RCVRN: variants seen among roughly 807,000 people sequenced by gnomAD.
The protein encoded by RCVRN is recoverin.
In RCVRN, 23 loss-of-function variants were observed where a neutral mutation model predicts 20.4. The ratio of observed to expected loss-of-function variants is 1.13; its 90% CI spans 0.81 to 1.60. The LOEUF is 1.60. RCVRN is among the 40% of genes most tolerant of loss of function. The pLI, the probability that RCVRN is intolerant of heterozygous loss-of-function variation, is 0.00. For missense variants in RCVRN, 254 were observed against 254.2 expected (o/e 1.00, Z 0.00); for synonymous variants, 105 against 105.9 (o/e 0.99, Z 0.05).
At chr17:9,900,864 A>C in intron 2 of RCVRN, 125 bp downstream of exon 2, 2 of 614,938 alleles carry the variant, frequency 3.3e-6, no homozygotes, top group East Asian at 5.5e-5. Context: ...CTGAAAATGC[A>C]CAATGGAATG....
chr17:9,904,187 G>A lies in RCVRN; in HGVS notation c.381+613C>T, dbSNP rs1272087208. The stretch of plus-strand genomic sequence containing the variant: ...ACTCGGGAGGCAGAGGTTGCAGTGA[G>A]CCAAGATCGCACTATTGCACTCCAG... On this transcript the variant is annotated intron_variant, in intron 1 of 2. Coordinates refer to ENST00000226193, the MANE Select transcript of RCVRN (RefSeq NM_002903.3). The surrounding 1 kb of genome is among the most constrained non-coding windows in gnomAD (Gnocchi z 5.8). Among the ~76,000 whole-genome samples, 1 of 152,182 alleles carries A rather than the reference G, an allele frequency of 6.6e-6. No individual in the cohort carries two copies. Among genetic ancestry groups the A allele is most frequent in the East Asian group, 1.9e-4 (1 of 5,190 alleles).
Position 9,897,873 on chromosome 17 carries a change from T to C in RCVRN, c.*222A>G. On this transcript the variant is annotated 3_prime_UTR_variant, in exon 3 of 3. Coordinates refer to ENST00000226193, the MANE Select transcript of RCVRN (RefSeq NM_002903.3). Reference sequence around the variant, plus strand: ...TGGGACCGGGCATGATGGGAGGGAATGCTGAAGACCCAGGAAGAAGGAACC... The same window carrying C: ...TGGGACCGGGCATGATGGGAGGGAACGCTGAAGACCCAGGAAGAAGGAACC... 3 of 533,452 alleles carry C rather than the reference T, an allele frequency of 5.6e-6. No individual in the cohort carries two copies. In the East Asian group the frequency reaches 9.7e-5, roughly 17 times the overall value. The allele number at this position is 533,452 out of a possible 1,614,324, so 33.0% of individuals were successfully genotyped here. A position where few individuals can be genotyped will look rare whatever the true frequency, so the allele number is the denominator to read the frequency against.
Position 9,904,147 on chromosome 17 carries a change from A to G in RCVRN, c.381+653T>C, listed in dbSNP as rs2067352820. ...TCCCAGCTACTCGGGAGGCTGAGAC[A>G]GGAGAATTGCTTGAACTCGGGAGGC... On this transcript the variant is annotated intron_variant, in intron 1 of 2. Transcript: ENST00000226193. This position sits in a 1 kb window ranked among gnomAD's most constrained non-coding sequence, Gnocchi z 5.8. 6.6e-6 allele frequency among the ~76,000 whole-genome samples: 1 copy of G among 152,204 alleles called. No homozygotes were observed. Among genetic ancestry groups the G allele is most frequent in the African/African-American group, 2.4e-5 (1 of 41,448 alleles).
At position 9,899,687 on chromosome 17, in the gene RCVRN, G is replaced by A. The variant is rs933331414; in HGVS notation, c.493+1302C>T. Among the ~76,000 whole-genome samples, 2 of 152,116 alleles carry A rather than the reference G, an allele frequency of 1.3e-5. No homozygotes were observed. The highest frequency in any genetic ancestry group is 6.5e-5 in the Admixed American group (1 of 15,278). ...AATCCGGGCCGATGAGGGAAAGGTG[G>A]GTAAAGTACCAAGGCGCGAATTTAA... is the stretch of plus-strand genomic sequence containing the variant. On this transcript the variant is annotated intron_variant, in intron 2 of 2. Coordinates refer to ENST00000226193, the MANE Select transcript of RCVRN (RefSeq NM_002903.3). The surrounding 1 kb of genome is among the most constrained non-coding windows in gnomAD (Gnocchi z 4.6).
At chr17:9,901,455 C>T (rs367868641) in intron 1 of RCVRN, among the ~76,000 whole-genome samples, 12 of 109,546 alleles carry the variant, frequency 1.1e-4, no homozygotes, top group African/African-American at 2.6e-4. Flanking sequence ...TTGCGTTCTG[C>T]CTCCCCGGAG....
chr17:9,902,028 C>T (rs1016360893), intron 1 of RCVRN, among the ~76,000 whole-genome samples: 4 of 151,764 alleles, frequency 2.6e-5, no homozygotes, highest in African/African-American at 9.7e-5. Context: ...CTTCCTTTCT[C>T]TCCTCCTTTC....
At chr17:9,902,190 C>T (rs945166597) in intron 1 of RCVRN, among the ~76,000 whole-genome samples, 3 of 151,884 alleles carry the variant, frequency 2.0e-5, no homozygotes, top group Non-Finnish European at 2.9e-5. Context: ...TTCTGCTGGG[C>T]CCTGCATTGT....
rs1271839619 is a variant in RCVRN at position 9,899,570 on chromosome 17, G to C, written c.494-1366C>G. ...GACCCAGAGGGAGGTCGCGAAGCCA[G>C]TTAAGGAGCCAGTGGGGCAAAGTGC... On this transcript the variant is annotated intron_variant, in intron 2 of 2. Transcript: ENST00000226193. This position sits in a 1 kb window ranked among gnomAD's most constrained non-coding sequence, Gnocchi z 4.6. Among the ~76,000 whole-genome samples the C allele has an allele frequency of 6.6e-6, 1 of 152,238 alleles. No individual in the cohort carries two copies. The highest frequency in any genetic ancestry group is 2.4e-5 in the African/African-American group (1 of 41,464).
intron 2 of RCVRN, among the ~76,000 whole-genome samples, chr17:9,900,296 G>A (rs575352936): frequency 1.3e-5 from 2 of 152,238 alleles, no homozygotes; most frequent in East Asian, 3.9e-4. Flanking sequence ...CCCAGCAGCC[G>A]AGTGCTGGAG....
rs1391483859 is a variant in RCVRN, at chr17:9,904,667, G to C, written c.381+133C>G. 6 of 1,002,034 alleles carry C rather than the reference G, an allele frequency of 6.0e-6. No individual in the cohort carries two copies. In the Admixed American group the frequency reaches 9.6e-5, roughly 16 times the overall value. 62.1% of individuals were successfully genotyped at this position (1,002,034 alleles called of 1,614,324 possible). Reference sequence around the variant, plus strand: ...CAATATCAGCATCTCGGAGCACCACGCTCTCAGAGCCAGTGGCCCGCATCC... The same window carrying C: ...CAATATCAGCATCTCGGAGCACCACCCTCTCAGAGCCAGTGGCCCGCATCC... On this transcript the variant is annotated intron_variant, in intron 1 of 2. Coordinates refer to ENST00000226193, the MANE Select transcript of RCVRN (RefSeq NM_002903.3). The surrounding 1 kb of genome is among the most constrained non-coding windows in gnomAD (Gnocchi z 5.8).
rs755258896 is a variant in RCVRN at position 9,905,191 on chromosome 17, G to T, written c.-11C>A. 2 of 1,598,312 alleles carry T rather than the reference G, an allele frequency of 1.3e-6. No homozygotes were observed. Among genetic ancestry groups the T allele is most frequent in the Non-Finnish European group, 1.7e-6 (2 of 1,172,026 alleles). ...TTTGCTGTTCCCCATGAGTGAGGAA[G>T]AGTGGGCAGCGGCTGGGGAGTCGCT... On this transcript the variant is annotated 5_prime_UTR_variant, in exon 1 of 3. Transcript: ENST00000226193.
intron 2 of RCVRN, among the ~76,000 whole-genome samples, chr17:9,900,395 G>A (rs1597414951): frequency 6.7e-6 from 1 of 149,116 alleles, no homozygotes; most frequent in Non-Finnish European, 1.5e-5. Flanking sequence ...GACTGACAGG[G>A]GCACTGAGGA....
Position 9,904,866 on chromosome 17 carries a change from G to C in RCVRN, c.315C>G (p.Ala105=). 6.2e-7 allele frequency: 1 copy of C among 1,614,210 alleles called. No homozygotes were observed. The highest frequency in any genetic ancestry group is 8.5e-7 in the Non-Finnish European group (1 of 1,180,032). The change falls in exon 1 of 3, where the codon GCC becomes GCG. Residue 105 remains alanine (A), a synonymous_variant. Coordinates refer to ENST00000226193, the MANE Select transcript of RCVRN (RefSeq NM_002903.3). The surrounding 1 kb of genome is among the most constrained non-coding windows in gnomAD (Gnocchi z 5.8). ...AGKTNQKLEW[A]FSLYDVDGNG... ...TACCGTCCACGTCGTAGAGGGAGAAGGCCCACTCCAGCTTCTGGTTGGTCT... is the reference window on the plus strand; with the variant it reads ...TACCGTCCACGTCGTAGAGGGAGAACGCCCACTCCAGCTTCTGGTTGGTCT...
intron 1 of RCVRN, among the ~76,000 whole-genome samples, chr17:9,902,226 C>G (rs888242775): frequency 6.6e-6 from 1 of 152,014 alleles, no homozygotes; most frequent in African/African-American, 2.4e-5. Flanking sequence ...GACTTAGTCC[C>G]TGTCCCAGGC....
At chr17:9,902,992 GA>G (rs10604300) in intron 1 of RCVRN, among the ~76,000 whole-genome samples, 59 of 148,396 alleles carry the variant, frequency 4.0e-4, no homozygotes, top group African/African-American at 8.4e-4. Context: ...TCTGTCTGAA[GA>G]AAAAAAAAAA....
At position 9,897,319 on chromosome 17, in the gene RCVRN, T is replaced by G. The variant is rs2067321425; in HGVS notation, c.*776A>C. 1 of 152,086 alleles carries G rather than the reference T, an allele frequency of 6.6e-6. No individual in the cohort carries two copies. The highest frequency in any genetic ancestry group is 2.4e-5 in the African/African-American group (1 of 41,372). 9.4% of individuals were successfully genotyped at this position (152,086 alleles called of 1,614,324 possible). ...TTCTCCTGGAACTCGAGATGGTCAT[T>G]CATGCCTCAGCGGCTCTGTGTTGGC... On this transcript the variant is annotated 3_prime_UTR_variant, in exon 3 of 3. Transcript: ENST00000226193.
In RCVRN at chr17:9,901,461, C is replaced by T. The variant is rs976152073; in HGVS notation, c.382-361G>A. ...GCAAACCATTTGCGTTCTGCCTCCC[C>T]GGAGACACCTGTGAGCAGGTCAGGC... is the stretch of plus-strand genomic sequence containing the variant. On this transcript the variant is annotated intron_variant, in intron 1 of 2. Coordinates refer to ENST00000226193, the MANE Select transcript of RCVRN (RefSeq NM_002903.3). Among the ~76,000 whole-genome samples, 13 of 110,530 alleles carry T rather than the reference C, an allele frequency of 1.2e-4. 1 individual carries two copies. Among genetic ancestry groups the T allele is most frequent in the Non-Finnish European group, 2.5e-4 (10 of 40,632 alleles). 72.5% of individuals were successfully genotyped at this position (110,530 alleles called of 152,430 possible).
rs981664648 is a variant in RCVRN at position 9,899,124 on chromosome 17, G to A, written c.494-920C>T. ...TCACACGCAGAAATACCTCTAGCATGAGACAGATGCTCCTTTCTGTTGTAT... is the reference window on the plus strand; with the variant it reads ...TCACACGCAGAAATACCTCTAGCATAAGACAGATGCTCCTTTCTGTTGTAT... On this transcript the variant is annotated intron_variant, in intron 2 of 2. Transcript: ENST00000226193. This position sits in a 1 kb window ranked among gnomAD's most constrained non-coding sequence, Gnocchi z 4.6. 1.3e-5 allele frequency among the ~76,000 whole-genome samples: 2 copies of A among 152,200 alleles called. No homozygotes were observed. The highest frequency in any genetic ancestry group is 4.8e-5 in the African/African-American group (2 of 41,454).
rs899948014 is a variant in RCVRN at position 9,904,517 on chromosome 17, T to C, written c.381+283A>G. Among the ~76,000 whole-genome samples the C allele has an allele frequency of 1.3e-5, 2 of 152,222 alleles. No homozygotes were observed. The highest frequency in any genetic ancestry group is 4.8e-5 in the African/African-American group (2 of 41,460). Reference sequence around the variant, plus strand: ...CCATTACAATCTTATGGGACCACAGTGGTCTATATCGTCCGTTGTTGACCC... The same window carrying C: ...CCATTACAATCTTATGGGACCACAGCGGTCTATATCGTCCGTTGTTGACCC... On this transcript the variant is annotated intron_variant, in intron 1 of 2. Transcript: ENST00000226193. The surrounding 1 kb of genome is among the most constrained non-coding windows in gnomAD (Gnocchi z 5.8).
Sources: gnomAD v4.1 joint callset for allele counts (sites outside exome capture counted in the v4.1 genomes callset) on GRCh38, gnomAD v4.1.1 for gene constraint, Gnocchi (gnomAD v3.1) non-coding constraint, MANE v1.5 for transcripts, NCBI Gene and HGNC (gene_info 2026-07-23, HGNC 2026-07-21) for gene names.